Variants in CDC14B observed in about 807,000 individuals in gnomAD.
CDC14B encodes the protein cell division cycle 14B.
Under a neutral mutation model 64.2 loss-of-function variants are expected in CDC14B, and 22 were observed. The observed-to-expected ratio is 0.34, with a 90% CI of 0.24 to 0.49. The LOEUF (loss-of-function observed/expected upper bound fraction) is 0.49, where lower values mean the gene tolerates loss of function less well. Among genes scored for constraint, CDC14B ranks in the 20% least tolerant of loss-of-function variants. CDC14B has a pLI of 0.99. For synonymous variants in CDC14B, 191 were observed against 215.8 expected (o/e 0.89, Z 1.01); for missense variants, 498 against 629.9 (o/e 0.79, Z 2.24).
intron 1 of CDC14B, among the ~76,000 whole-genome samples, chr9:96,579,575 ACT>A (rs1845016199): frequency 6.8e-6 from 1 of 147,804 alleles, no homozygotes; most frequent in African/African-American, 2.5e-5. Flanking sequence ...ACAGAGCAAG[ACT>A]CTGTCTCAAA....
At chr9:96,592,902 A>G (rs1399481009) in intron 1 of CDC14B, among the ~76,000 whole-genome samples, 1 of 152,224 alleles carries the variant, frequency 6.6e-6, no homozygotes, top group South Asian at 2.1e-4. Flanking sequence ...TAAATTTAAA[A>G]AAAGCCATTT....
chr9:96,524,119 G>A (rs1478314903), intron 9 of CDC14B, among the ~76,000 whole-genome samples: 1 of 152,190 alleles, frequency 6.6e-6, no homozygotes, highest in East Asian at 1.9e-4. Flanking sequence ...TGTATTTTCA[G>A]TAGAGACGGG....
In CDC14B at chr9:96,595,021, G is replaced by A. The variant is rs536226641; in HGVS notation, c.160+24198C>T. ...AAAAATTAGCTGGGTGTGGTGGCAC[G>A]TGCCTGTAGTCCCAGCTTACTCAGG... On this transcript the variant is annotated intron_variant, in intron 1 of 13. Transcript: ENST00000375241. 1.5e-4 allele frequency among the ~76,000 whole-genome samples: 23 copies of A among 151,906 alleles called. 1 individual carries two copies. The South Asian group carries it at 2.9e-3, about 19-fold the overall frequency.
intron 1 of CDC14B, among the ~76,000 whole-genome samples, chr9:96,609,155 G>T (rs977436185): frequency 6.6e-6 from 1 of 151,918 alleles, no homozygotes; most frequent in Non-Finnish European, 1.5e-5. Flanking sequence ...GTAGAGATGG[G>T]GTATCACCAT....
chr9:96,618,668 G>A (rs1847791129), intron 1 of CDC14B: 1 of 516,754 alleles, frequency 1.9e-6, no homozygotes, highest in East Asian at 5.5e-5. Context: ...GGAGGCCCAG[G>A]AGAGGGGCTC....
chr9:96,511,260 T>G (rs192205409), intron 12 of CDC14B, among the ~76,000 whole-genome samples: 1 of 152,278 alleles, frequency 6.6e-6, no homozygotes, highest in Non-Finnish European at 1.5e-5. Flanking sequence ...AGTAAAATGC[T>G]AAACATCTCA....
intron 7 of CDC14B, 77 bp from the exon 8 acceptor site, chr9:96,534,619 G>C (rs1402784706): frequency 2.1e-6 from 2 of 950,124 alleles, no homozygotes; most frequent in Non-Finnish European, 3.3e-6. Flanking sequence ...CTGAGTCTCT[G>C]AAGGACTTCA....
rs1336252951 is a variant in CDC14B at position 96,514,366 on chromosome 9, T to C, written c.1344-4577A>G. ...GAGTCAGAATATGTGGCAATCGTAG[T>C]TGACTAAGAGAAGTAAAGAAGAAAA... On this transcript the variant is annotated intron_variant, in intron 12 of 13. Transcript: ENST00000375241. 1.9e-5 allele frequency: 17 copies of C among 918,180 alleles called. No individual in the cohort carries two copies. In the South Asian group the frequency reaches 2.0e-4, roughly 11 times the overall value. 56.9% of individuals were successfully genotyped at this position (918,180 alleles called of 1,614,324 possible).
At chr9:96,605,723 C>A (rs1846859641) in intron 1 of CDC14B, among the ~76,000 whole-genome samples, 1 of 152,194 alleles carries the variant, frequency 6.6e-6, no homozygotes, top group African/African-American at 2.4e-5. Flanking sequence ...GGGCCAGGGG[C>A]AGGGGCTCAT....
intron 1 of CDC14B, among the ~76,000 whole-genome samples, chr9:96,612,210 C>G (rs1176868269): frequency 6.6e-6 from 1 of 152,242 alleles, no homozygotes; most frequent in Non-Finnish European, 1.5e-5. Context: ...CATTTCTGCC[C>G]TGAGCTCGCT....
intron 1 of CDC14B, among the ~76,000 whole-genome samples, chr9:96,611,686 C>T (rs1410732380): frequency 1.3e-5 from 2 of 152,088 alleles, no homozygotes; most frequent in African/African-American, 2.4e-5. Flanking sequence ...AATAACTTGT[C>T]TCTCTGCTAC....
At chr9:96,534,190 C>T in intron 8 of CDC14B, 33 bp from the exon 9 acceptor site, 1 of 1,339,276 alleles carries the variant, frequency 7.5e-7, no homozygotes, top group Non-Finnish European at 1.0e-6. Flanking sequence ...TCTTATAAAA[C>T]ACATAAAGAA....
At position 96,619,345 on chromosome 9, in the gene CDC14B, C is replaced by A; in HGVS notation, c.34G>T (p.Ala12Ser). Residue 12 changes from alanine to serine, a missense_variant, in exon 1 of 14, where the codon GCC becomes TCC. By Grantham distance (99) the Ala-to-Ser change is moderately conservative (BLOSUM62 1). Transcript: ENST00000375241. ...CGCCGCGAGCAGGGGGGCGCGGCGGCCCAGCTCGACCGCCGCTCGCTTTTC... is the reference window on the plus strand; with the variant it reads ...CGCCGCGAGCAGGGGGGCGCGGCGGACCAGCTCGACCGCCGCTCGCTTTTC... ...KRKSERRSSW[A>S]AAPPCSRRCS... The A allele has an allele frequency of 8.0e-7, 1 of 1,251,228 alleles. No individual in the cohort carries two copies. The highest frequency in any genetic ancestry group is 1.0e-6 in the Non-Finnish European group (1 of 994,268). 77.5% of individuals were successfully genotyped at this position (1,251,228 alleles called of 1,614,324 possible).
chr9:96,546,606 T>C (rs1364679373), intron 5 of CDC14B, among the ~76,000 whole-genome samples: 3 of 151,814 alleles, frequency 2.0e-5, no homozygotes, highest in South Asian at 2.1e-4. Flanking sequence ...TGCACCACCA[T>C]GCCCTGCTAA....
intron 1 of CDC14B, among the ~76,000 whole-genome samples, chr9:96,617,370 T>C (rs989219556): frequency 6.6e-6 from 1 of 152,038 alleles, no homozygotes; most frequent in African/African-American, 2.4e-5. Flanking sequence ...AACCTTCTGA[T>C]TGAAAACCCA....
downstream of CDC14B, chr9:96,496,104 GGT>G (rs1833225079): frequency 2.8e-6 from 1 of 355,422 alleles, no homozygotes. Flanking sequence ...TCCCAGGGTG[GGT>G]GTCAGCCCGG....
Position 96,509,770 on chromosome 9 carries a change from C to G in CDC14B, c.1363G>C (p.Val455Leu). ...GGTTCAGATGTTTTACAGCTCTGAA[C>G]ACTGGATTGAAGAATTACTCTGAAA... Reference protein sequence around the residue: ...IPLTVILQSSVQSCKTSEPNI... With the variant: ...IPLTVILQSSLQSCKTSEPNI... Residue 455 changes from valine (V) to leucine (L), a missense_variant, in exon 13 of 14, where the codon GTT (valine) becomes CTT (leucine). Transcript: ENST00000375241. 6.2e-7 allele frequency: 1 copy of G among 1,605,472 alleles called. No individual in the cohort carries two copies.
chr9:96,522,441 C>A (rs934176691), intron 12 of CDC14B, 65 bp downstream of exon 12: 14 of 1,042,994 alleles, frequency 1.3e-5, no homozygotes, highest in African/African-American at 3.1e-5. Flanking sequence ...ACAGGAAAAA[C>A]CCTCACCAAG....
At chr9:96,512,332 T>TC (rs1047741536) in intron 12 of CDC14B, among the ~76,000 whole-genome samples, 8 of 151,160 alleles carry the variant, frequency 5.3e-5, no homozygotes, top group African/African-American at 1.9e-4. Context: ...TTTTCTTTTT[T>TC]TTTTTTTTTT....
Sources: gnomAD v4.1 joint callset for allele counts (sites outside exome capture counted in the v4.1 genomes callset) on GRCh38, gnomAD v4.1.1 for gene constraint, MANE v1.5 for transcripts, NCBI Gene and HGNC (gene_info 2026-07-23, HGNC 2026-07-21) for gene names.